The following IPO8 variants were observed in gnomAD, a reference collection of about 807,000 sequenced individuals.
The protein encoded by IPO8 is importin 8.
A neutral mutation model predicts 141.2 loss-of-function variants in IPO8; 65 were observed. The ratio of observed to expected loss-of-function variants is 0.46; its 90% CI spans 0.38 to 0.57. The LOEUF (loss-of-function observed/expected upper bound fraction) is 0.57. Ranked by LOEUF, IPO8 falls within the 20% of genes least tolerant of loss-of-function variation. The pLI is 0.00. For missense variants in IPO8, 980 were observed against 1,246.8 expected, an observed-to-expected ratio of 0.79 and a Z score of 3.22; for synonymous variants, 411 against 420.3, an observed-to-expected ratio of 0.98 and a Z score of 0.27.
At position 30,634,117 on chromosome 12, in the gene IPO8, C is replaced by T. The variant is rs2052469353; in HGVS notation, c.2865G>A (p.Val955=). 1 of 1,613,838 alleles carries T rather than the reference C, an allele frequency of 6.2e-7. No homozygotes were observed. Among genetic ancestry groups the T allele is most frequent in the Non-Finnish European group, 8.5e-7 (1 of 1,179,840 alleles). The change falls in exon 23 of 25, where the codon GTG becomes GTA. Residue 955 remains valine, a synonymous_variant. Transcript: ENST00000256079. ...FSTPLDLDNS[V]DEYQFFTQAL... ...CTTGTGTAAAAAACTGATATTCATC[C>T]ACACTATTGTCAAGGTCAAGTGGAG...
At chr12:30,667,429 G>A (rs977520193) in intron 10 of IPO8, among the ~76,000 whole-genome samples, 14 of 152,218 alleles carry the variant, frequency 9.2e-5, no homozygotes, top group Non-Finnish European at 1.8e-4. Context: ...TGGGGGAAGT[G>A]AGGAGATGTT....
At chr12:30,663,301 TA>T (rs1255721668) in intron 14 of IPO8, among the ~76,000 whole-genome samples, 187 bp downstream of exon 14, 2 of 152,098 alleles carry the variant, frequency 1.3e-5, no homozygotes, top group Non-Finnish European at 2.9e-5. Context: ...TTTCCTAACC[TA>T]AAATTCTGAA....
chr12:30,675,456 A>G (rs1285019992), intron 6 of IPO8, among the ~76,000 whole-genome samples: 1 of 152,150 alleles, frequency 6.6e-6, no homozygotes, highest in East Asian at 1.9e-4. Flanking sequence ...ATGTGCACAA[A>G]AATTTAAGTA....
chr12:30,662,188 G>A (rs1017256419), intron 15 of IPO8, 139 bp downstream of exon 15: 7 of 639,314 alleles, frequency 1.1e-5, no homozygotes, highest in East Asian at 5.4e-5. Context: ...GTGCACCATC[G>A]TATATGCAAT....
chr12:30,637,632 T>G (rs2052520985), intron 21 of IPO8, among the ~76,000 whole-genome samples: 1 of 152,138 alleles, frequency 6.6e-6, no homozygotes, highest in Non-Finnish European at 1.5e-5. Context: ...GAAAGATGTT[T>G]CAAAAACTCA....
intron 2 of IPO8, chr12:30,688,407 G>A (rs1295729628): frequency 6.8e-6 from 3 of 439,618 alleles, no homozygotes; most frequent in Admixed American, 5.0e-5. Context: ...TTGCCCACAA[G>A]CAAAAGAGAA....
intron 19 of IPO8, among the ~76,000 whole-genome samples, chr12:30,649,886 A>G (rs1016715362): frequency 2.6e-5 from 4 of 152,118 alleles, no homozygotes; most frequent in Admixed American, 6.6e-5. Context: ...GAGCATGCTT[A>G]TATTAAAAAT....
intron 22 of IPO8, 29 bp downstream of exon 22, chr12:30,636,953 T>A: frequency 1.3e-6 from 2 of 1,556,998 alleles, no homozygotes; most frequent in East Asian, 4.5e-5. Context: ...AAATCAATTG[T>A]AACATTAATT....
chr12:30,639,762 CCACA>C, intron 20 of IPO8, 27 bp from the exon 21 acceptor site: 1 of 1,549,880 alleles, frequency 6.5e-7, no homozygotes, highest in Middle Eastern at 1.7e-4. Flanking sequence ...AGAAAGTCAA[CCACA>C]CAGACAGCCC....
chr12:30,653,417 T>C (rs2052755273), intron 17 of IPO8, among the ~76,000 whole-genome samples: 1 of 152,070 alleles, frequency 6.6e-6, no homozygotes, highest in African/African-American at 2.4e-5. Context: ...CAAGAAGGAA[T>C]AGATTATCAT....
Position 30,695,460 on chromosome 12 carries a change from A to G in IPO8, c.84+104T>C. Reference sequence around the variant, plus strand: ...GGACCAGCCGTGAGGCGTCAGCCCCAGCCCGGTGGGGGTGAGGACGAGGGG... The same window carrying G: ...GGACCAGCCGTGAGGCGTCAGCCCCGGCCCGGTGGGGGTGAGGACGAGGGG... On this transcript the variant is annotated intron_variant, in intron 1 of 24. Transcript: ENST00000256079. The surrounding 1 kb of genome is among the most constrained non-coding windows in gnomAD (Gnocchi z 4.2). 1 of 995,918 alleles carries G rather than the reference A, an allele frequency of 1.0e-6. No homozygotes were observed. The highest frequency in any genetic ancestry group is 1.5e-6 in the Non-Finnish European group (1 of 647,554). The allele number at this position is 995,918 out of a possible 1,614,324, so 61.7% of individuals were successfully genotyped here. A position where few individuals can be genotyped will look rare whatever the true frequency, so the allele number is the denominator to read the frequency against.
In IPO8 at chr12:30,695,776, CGCCACCTGCG is replaced by C; in HGVS notation, c.-139_-130del. On this transcript the variant is annotated 5_prime_UTR_variant, in exon 1 of 25. The change creates a premature stop within an existing upstream ORF in the 5' untranslated region. Transcript: ENST00000256079. The surrounding 1 kb of genome is among the most constrained non-coding windows in gnomAD (Gnocchi z 4.2). ...CTCACACCCCACCCCCCGCCACCGT[CGCCACCTGCG>C]GCCACTTGCTGCGCCACTCTGACTC... 2.5e-6 allele frequency: 2 copies of C among 795,146 alleles called. No homozygotes were observed. The highest frequency in any genetic ancestry group is 3.9e-6 in the Non-Finnish European group (2 of 512,710). 49.3% of individuals were successfully genotyped at this position (795,146 alleles called of 1,614,324 possible).
At chr12:30,653,457 A>G (rs1484713381) in intron 17 of IPO8, among the ~76,000 whole-genome samples, 1 of 152,092 alleles carries the variant, frequency 6.6e-6, no homozygotes, top group African/African-American at 2.4e-5. Flanking sequence ...TTTAAAATGT[A>G]CAAATAATTA....
rs190562915 is a variant in IPO8, at chr12:30,676,329, T to A, written c.729+169A>T. ...AAACAGTTTTCATTTTTGGTAGGAT[T>A]TAAATTGCTTATCTAAGCTTTCTAA... On this transcript the variant is annotated intron_variant, in intron 6 of 24. Coordinates refer to ENST00000256079, the MANE Select transcript of IPO8 (RefSeq NM_006390.4). Among the ~76,000 whole-genome samples, 22 of 152,328 alleles carry A rather than the reference T, an allele frequency of 1.4e-4. No individual in the cohort carries two copies. The East Asian group carries it at 4.0e-3, about 28-fold the overall frequency.
At chr12:30,663,017 CT>C (rs1189032002) in intron 14 of IPO8, among the ~76,000 whole-genome samples, 1 of 109,696 alleles carries the variant, frequency 9.1e-6, no homozygotes, top group African/African-American at 4.1e-5. Flanking sequence ...TTTATTTGAA[CT>C]TTGATCAGAA....
chr12:30,676,749 C>A, intron 5 of IPO8, 162 bp from the exon 6 acceptor site: 2 of 748,982 alleles, frequency 2.7e-6, no homozygotes, highest in Non-Finnish European at 4.4e-6. Context: ...TTCATACGAC[C>A]ATATAGAACT....
chr12:30,686,904 G>A (rs1184832137), intron 2 of IPO8, among the ~76,000 whole-genome samples: 1 of 151,920 alleles, frequency 6.6e-6, no homozygotes, highest in Non-Finnish European at 1.5e-5. Context: ...TGACTAATTT[G>A]TATATGCCTA....
chr12:30,681,680 T>C lies in IPO8; in HGVS notation c.461A>G (p.Tyr154Cys), dbSNP rs1475227890. 6.2e-7 allele frequency: 1 copy of C among 1,613,482 alleles called. No homozygotes were observed. The highest frequency in any genetic ancestry group is 1.3e-5 in the African/African-American group (1 of 75,036). The change falls in exon 4 of 25, where the codon TAT becomes TGT. Residue 154 changes from tyrosine (Y) to cysteine (C), a missense_variant. Physicochemically the swap from Tyr to Cys is radical, Grantham distance 194. Coordinates refer to ENST00000256079, the MANE Select transcript of IPO8 (RefSeq NM_006390.4). ...ASWLGSLLCL[Y>C]QLVKTYEYKK... ...TTACTCATATGTCTTCACCAGTTGA[T>C]ACAGGCATAATAAACTGCCAAGCCA... is the stretch of plus-strand genomic sequence containing the variant.
Position 30,631,919 on chromosome 12 carries a change from C to T in IPO8, c.2992G>A (p.Ala998Thr). ...CCTGCCACCGTCCGTCGGTGCTCTG[C>T]CAGTGTGTACACCTCCTGCAGTGCT... ...RTALQEVYTL[A>T]EHRRTVAEAK... The change falls in exon 24 of 25, where the codon GCA becomes ACA. Residue 998 changes from alanine to threonine, a missense_variant. Transcript: ENST00000256079. 6.2e-7 allele frequency: 1 copy of T among 1,612,264 alleles called. No homozygotes were observed. Among genetic ancestry groups the T allele is most frequent in the South Asian group, 1.1e-5 (1 of 91,012 alleles).
Sources: allele counts gnomAD v4.1 joint callset (sites outside exome capture counted in the v4.1 genomes callset), GRCh38; gene constraint gnomAD v4.1.1; non-coding constraint Gnocchi (gnomAD v3.1); transcripts MANE v1.5; gene names NCBI Gene and HGNC (gene_info 2026-07-23, HGNC 2026-07-21).